SNRNP27: variants seen among roughly 807,000 people sequenced by gnomAD.
SNRNP27 encodes the protein small nuclear ribonucleoprotein U4/U6.U5 subunit 27, also known as U4/U6.U5 small nuclear ribonucleoprotein 27 kDa protein.
A neutral mutation model predicts 25.1 loss-of-function variants in SNRNP27; 22 were observed. The observed-to-expected ratio is 0.88, with a 90% CI of 0.63 to 1.25. The LOEUF (loss-of-function observed/expected upper bound fraction) is 1.25. Among genes scored for constraint, SNRNP27 ranks in the 50% most tolerant of loss-of-function variants. The probability of loss-of-function intolerance (pLI) is 0.00; values close to 1 mark genes in which losing one functional copy is unlikely to be tolerated. For synonymous variants in SNRNP27, 66 were observed against 64.9 expected, an observed-to-expected ratio of 1.02 and a Z score of -0.08; for missense variants, 150 against 202.3, an observed-to-expected ratio of 0.74 and a Z score of 1.57.
chr2:69,900,693 G>T (rs1285558087), intron 4 of SNRNP27, among the ~76,000 whole-genome samples: 1 of 152,156 alleles, frequency 6.6e-6, no homozygotes, highest in Non-Finnish European at 1.5e-5. Flanking sequence ...GGAGGTGGGG[G>T]TCACTTGTAT....
At position 69,903,862 on chromosome 2, in the gene SNRNP27, TA is replaced by T. The variant is rs576445296; in HGVS notation, c.414-391del. On this transcript the variant is annotated intron_variant, in intron 5 of 5. Coordinates refer to ENST00000244227, the MANE Select transcript of SNRNP27 (RefSeq NM_006857.3). ...GTAAAATTACCTTCAAATAAGGTCT[TA>T]GGGGGAGAATCATTACAGTGTGCAA... is the stretch of plus-strand genomic sequence containing the variant. 3.9e-4 allele frequency among the ~76,000 whole-genome samples: 59 copies of T among 152,308 alleles called. No homozygotes were observed. The South Asian group carries it at 0.011, about 29-fold the overall frequency.
chr2:69,903,950 G>A (rs897659972), intron 5 of SNRNP27, among the ~76,000 whole-genome samples: 14 of 151,754 alleles, frequency 9.2e-5, no homozygotes, highest in Admixed American at 4.6e-4. Flanking sequence ...TATATGTTTC[G>A]TGTTACCTAA....
chr2:69,896,948 A>G (rs1299869881), intron 3 of SNRNP27, among the ~76,000 whole-genome samples: 4 of 152,140 alleles, frequency 2.6e-5, no homozygotes, highest in African/African-American at 2.4e-5. Context: ...TGCTGGGATT[A>G]TAGACGTGAA....
chr2:69,895,988 T>A (rs1291876508), intron 2 of SNRNP27, among the ~76,000 whole-genome samples: 3 of 133,486 alleles, frequency 2.2e-5, no homozygotes, highest in East Asian at 4.4e-4. Flanking sequence ...TTTTTTTTTT[T>A]GAGAGAGAGG....
intron 1 of SNRNP27, among the ~76,000 whole-genome samples, chr2:69,894,796 C>T (rs1676570327): frequency 6.6e-6 from 1 of 152,154 alleles, no homozygotes; most frequent in African/African-American, 2.4e-5. Flanking sequence ...ATTCTCATGC[C>T]TCAGCCTTCC....
chr2:69,902,996 G>A (rs1166039818), intron 4 of SNRNP27, among the ~76,000 whole-genome samples, 185 bp from the exon 5 acceptor site: 2 of 136,234 alleles, frequency 1.5e-5, no homozygotes, highest in Non-Finnish European at 3.1e-5. Context: ...AGGCTGGAGT[G>A]CATTGGTGTG....
chr2:69,902,060 T>C (rs1448144945), intron 4 of SNRNP27, among the ~76,000 whole-genome samples: 2 of 152,264 alleles, frequency 1.3e-5, no homozygotes, highest in African/African-American at 2.4e-5. Flanking sequence ...TTGCACATAG[T>C]ACATACACTG....
At position 69,903,204 on chromosome 2, in the gene SNRNP27, A is replaced by G; in HGVS notation, c.372A>G (p.Val124=). 1 of 1,613,214 alleles carries G rather than the reference A, an allele frequency of 6.2e-7. No individual in the cohort carries two copies. Among genetic ancestry groups the G allele is most frequent in the Middle Eastern group, 1.7e-4 (1 of 6,058 alleles). The change falls in exon 5 of 6, where the codon GTA becomes GTG. Residue 124 remains valine (V), a synonymous_variant. Coordinates refer to ENST00000244227, the MANE Select transcript of SNRNP27 (RefSeq NM_006857.3). ...AGGGTAAGAAGGTGGATGGCTCTGT[A>G]AATGCCTATGCCATAAATGTCTCTC... The part of the protein sequence containing the change: ...STKGKKVDGS[V]NAYAINVSQK...
At position 69,898,135 on chromosome 2, in the gene SNRNP27, T is replaced by C. The variant is rs1306343335; in HGVS notation, c.348+679T>C. On this transcript the variant is annotated intron_variant, in intron 4 of 5. Coordinates refer to ENST00000244227, the MANE Select transcript of SNRNP27 (RefSeq NM_006857.3). ...GGGAGTGAGTAGTTAGTAATGCCTCTCAGGTGTCAGGCTGGGACCCTGAGT... is the reference window on the plus strand; with the variant it reads ...GGGAGTGAGTAGTTAGTAATGCCTCCCAGGTGTCAGGCTGGGACCCTGAGT... Among the ~76,000 whole-genome samples, 2 of 98,686 alleles carry C rather than the reference T, an allele frequency of 2.0e-5. 1 individual carries two copies. The highest frequency in any genetic ancestry group is 3.7e-5 in the Non-Finnish European group (2 of 53,562). The allele number at this position is 98,686 out of a possible 152,430, so 64.7% of individuals were successfully genotyped here.
chr2:69,897,594 G>C (rs1676627300), intron 4 of SNRNP27, 138 bp downstream of exon 4: 1 of 668,686 alleles, frequency 1.5e-6, no homozygotes, highest in Non-Finnish European at 2.6e-6. Flanking sequence ...AGAATACAAA[G>C]GAGGAAACAG....
chr2:69,902,449 C>G (rs1676718535), intron 4 of SNRNP27, among the ~76,000 whole-genome samples: 1 of 151,654 alleles, frequency 6.6e-6, no homozygotes, highest in Non-Finnish European at 1.5e-5. Context: ...TTCTGCTGCT[C>G]TTGCTTCTTC....
intron 4 of SNRNP27, among the ~76,000 whole-genome samples, chr2:69,901,747 G>A (rs968852385): frequency 2.0e-5 from 3 of 152,106 alleles, no homozygotes; most frequent in African/African-American, 7.2e-5. Context: ...CTTGAGCCCA[G>A]GAGTTTGAGG....
intron 2 of SNRNP27, among the ~76,000 whole-genome samples, chr2:69,895,492 A>G (rs1039601839): frequency 6.6e-6 from 1 of 152,146 alleles, no homozygotes; most frequent in Admixed American, 6.5e-5. Flanking sequence ...AGTATTTTAT[A>G]TTTTTGTTTC....
In SNRNP27 at chr2:69,903,317, A is replaced by G. The variant is rs1260633211; in HGVS notation, c.413+72A>G. 5 of 1,068,736 alleles carry G rather than the reference A, an allele frequency of 4.7e-6. No individual in the cohort carries two copies. In the African/African-American group the frequency reaches 7.8e-5, roughly 17 times the overall value. The allele number at this position is 1,068,736 out of a possible 1,614,324, so 66.2% of individuals were successfully genotyped here. On this transcript the variant is annotated intron_variant, in intron 5 of 5. Coordinates refer to ENST00000244227, the MANE Select transcript of SNRNP27 (RefSeq NM_006857.3). Reference sequence around the variant, plus strand: ...TTACTTCAAACTTTATTATGAGATAATCATGTTTGTAGGAAATGTAGCAGT... The same window carrying G: ...TTACTTCAAACTTTATTATGAGATAGTCATGTTTGTAGGAAATGTAGCAGT...
chr2:69,905,036 C>G lies in SNRNP27; in HGVS notation c.*728C>G, dbSNP rs1279376404. The G allele has an allele frequency of 6.6e-6, 1 of 152,076 alleles. No homozygotes were observed. Among genetic ancestry groups the G allele is most frequent in the Non-Finnish European group, 1.5e-5 (1 of 67,994 alleles). The allele number at this position is 152,076 out of a possible 1,614,324, so 9.4% of individuals were successfully genotyped here. A position where few individuals can be genotyped will look rare whatever the true frequency, so the allele number is the denominator to read the frequency against. On this transcript the variant is annotated 3_prime_UTR_variant, in exon 6 of 6. Transcript: ENST00000244227. Reference sequence around the variant, plus strand: ...ATGAGATCAGAATATGTATGCAGTTCTTTCTTTAACCCTTTTTTCTCCTAT... The same window carrying G: ...ATGAGATCAGAATATGTATGCAGTTGTTTCTTTAACCCTTTTTTCTCCTAT...
At chr2:69,902,306 C>T (rs1332644900) in intron 4 of SNRNP27, among the ~76,000 whole-genome samples, 1 of 150,520 alleles carries the variant, frequency 6.6e-6, no homozygotes, top group African/African-American at 2.4e-5. Flanking sequence ...CTCCTTCTTC[C>T]TCCTCCTCCT....
chr2:69,901,163 T>G, intron 4 of SNRNP27, among the ~76,000 whole-genome samples: 1 of 144,662 alleles, frequency 6.9e-6, no homozygotes. Context: ...GCAGAGCAAG[T>G]CTCCATTTCA....
chr2:69,902,926 T>TTTCTTC (rs1319990804), intron 4 of SNRNP27, among the ~76,000 whole-genome samples: 1 of 138,126 alleles, frequency 7.2e-6, no homozygotes, highest in African/African-American at 2.8e-5. Context: ...TTTCTCCTCC[T>TTTCTTC]TTCTTCTTCT....
At chr2:69,894,210 AGTT>A (rs778900720) in intron 1 of SNRNP27, among the ~76,000 whole-genome samples, 192 bp downstream of exon 1, 3 of 152,178 alleles carry the variant, frequency 2.0e-5, no homozygotes, top group Non-Finnish European at 2.9e-5. Context: ...GTTTGAAGGC[AGTT>A]GTTTGTCTCT....
Sources: gnomAD v4.1 joint callset for allele counts (sites outside exome capture counted in the v4.1 genomes callset) on GRCh38, gnomAD v4.1.1 for gene constraint, MANE v1.5 for transcripts, NCBI Gene and HGNC (gene_info 2026-07-23, HGNC 2026-07-21) for gene names.